Variants in REV1 observed in about 807,000 individuals in gnomAD.
The protein encoded by REV1 is REV1 DNA directed polymerase, also known as translesion synthesis protein REV1.
A neutral mutation model predicts 137.4 loss-of-function variants in REV1; 42 were observed. The observed-to-expected ratio is 0.31, with a 90% CI of 0.24 to 0.40. REV1 has a LOEUF of 0.40. REV1 is among the 10% of genes least tolerant of loss of function. The pLI is 1.00. For synonymous variants in REV1, 524 were observed against 519.2 expected, an observed-to-expected ratio of 1.01 and a Z score of -0.12; for missense variants, 1,282 against 1,490.1, an observed-to-expected ratio of 0.86 and a Z score of 2.30.
chr2:99,431,710 CA>C, intron 8 of REV1: 1 of 985,076 alleles, frequency 1.0e-6, no homozygotes, highest in Non-Finnish European at 1.2e-6. Flanking sequence ...GAGGCAGCAC[CA>C]TCGTGTTCCT....
chr2:99,464,816 C>T, intron 2 of REV1, 106 bp downstream of exon 2: 2 of 1,073,882 alleles, frequency 1.9e-6, no homozygotes, highest in Non-Finnish European at 2.9e-6. Flanking sequence ...GATGTGGTGT[C>T]TAAAGTAATT....
Position 99,408,060 on chromosome 2 carries a change from G to T in REV1, c.2417C>A (p.Thr806Lys). The T allele has an allele frequency of 6.2e-7, 1 of 1,605,418 alleles. No homozygotes were observed. Among genetic ancestry groups the T allele is most frequent in the Admixed American group, 1.7e-5 (1 of 59,336 alleles). Residue 806 changes from threonine (T) to lysine (K), a missense_variant, in exon 15 of 23, where the codon ACA becomes AAA. This residue lies in a region of REV1 where 372 missense variants were observed against 482.3 expected (regional missense o/e 0.77). Transcript: ENST00000258428. The stretch of plus-strand genomic sequence containing the variant: ...CATATCTGATATATTTAGTTTCATT[G>T]TATGAAACATGTTTAGCATCGCCTT... ...IGKAMLNMFH[T>K]MKLNISDMRG...
intron 1 of REV1, among the ~76,000 whole-genome samples, chr2:99,470,128 A>T (rs574388613): frequency 1.3e-5 from 2 of 152,122 alleles, no homozygotes; most frequent in Non-Finnish European, 2.9e-5. Context: ...CTCAAAAAAA[A>T]AAAAAAGATA....
At chr2:99,460,926 C>T (rs1684113056) in intron 3 of REV1, among the ~76,000 whole-genome samples, 1 of 152,086 alleles carries the variant, frequency 6.6e-6, no homozygotes, top group Admixed American at 6.6e-5. Flanking sequence ...ATTTTTCTTC[C>T]CTCACACAAA....
At chr2:99,421,383 T>TA (rs1365658608) in intron 11 of REV1, 116 bp downstream of exon 11, 1 of 928,184 alleles carries the variant, frequency 1.1e-6, no homozygotes, top group Non-Finnish European at 1.6e-6. Flanking sequence ...TAAGCAATGC[T>TA]AAAAACGGTT....
intron 1 of REV1, among the ~76,000 whole-genome samples, 198 bp downstream of exon 1, chr2:99,489,619 G>A (rs1236976905): frequency 6.7e-6 from 1 of 149,062 alleles, no homozygotes; most frequent in Admixed American, 6.7e-5. Flanking sequence ...GGCTGCGAGC[G>A]TCAGGGGAAG....
intron 6 of REV1, among the ~76,000 whole-genome samples, chr2:99,437,419 TA>T (rs1177504027): frequency 1.3e-5 from 2 of 152,116 alleles, no homozygotes; most frequent in Admixed American, 1.3e-4. Context: ...AGTGGCAGAG[TA>T]AGGATTTAGA....
chr2:99,451,308 C>T, intron 3 of REV1: 2 of 1,146,996 alleles, frequency 1.7e-6, no homozygotes, highest in Admixed American at 7.1e-5. Context: ...GTCAAGAACA[C>T]ATTAACTTTC....
intron 1 of REV1, among the ~76,000 whole-genome samples, chr2:99,466,289 C>G (rs955982569): frequency 2.6e-5 from 4 of 151,872 alleles, no homozygotes; most frequent in African/African-American, 7.3e-5. Context: ...GTCACCCAGG[C>G]TGAAGTGCAG....
intron 1 of REV1, among the ~76,000 whole-genome samples, chr2:99,479,228 G>A (rs1179268746): frequency 6.6e-6 from 1 of 150,728 alleles, no homozygotes; most frequent in African/African-American, 2.4e-5. Context: ...CTTGGGGGCT[G>A]AGGCAGAAGA....
intron 4 of REV1, among the ~76,000 whole-genome samples, chr2:99,444,109 C>T (rs185984760): frequency 7.2e-5 from 11 of 152,288 alleles, no homozygotes; most frequent in East Asian, 3.9e-4. Flanking sequence ...TGTGAGCCAC[C>T]GCGCCCAGCC....
intron 1 of REV1, among the ~76,000 whole-genome samples, chr2:99,476,202 C>A (rs1363471578): frequency 6.6e-6 from 1 of 152,154 alleles, no homozygotes. Context: ...GGGAGGTAAT[C>A]CTTTCTTTTC....
At chr2:99,432,593 TA>T (rs2104747066) in intron 8 of REV1, among the ~76,000 whole-genome samples, 1 of 152,316 alleles carries the variant, frequency 6.6e-6, no homozygotes, top group South Asian at 2.1e-4. Flanking sequence ...GCTTAGGATA[TA>T]AAAGTAAATG....
At chr2:99,481,132 A>G (rs1686558649) in intron 1 of REV1, among the ~76,000 whole-genome samples, 1 of 152,204 alleles carries the variant, frequency 6.6e-6, no homozygotes, top group Non-Finnish European at 1.5e-5. Flanking sequence ...TTACAACCCT[A>G]ACACAAATAG....
At chr2:99,408,298 A>G (rs1676623180) in intron 14 of REV1, 167 bp from the exon 15 acceptor site, 1 of 397,086 alleles carries the variant, frequency 2.5e-6, no homozygotes, top group Admixed American at 4.5e-5. Context: ...AGAAATACCA[A>G]ATTAGTTACA....
intron 9 of REV1, among the ~76,000 whole-genome samples, chr2:99,426,932 C>A (rs1354317759): frequency 6.6e-6 from 1 of 152,106 alleles, no homozygotes; most frequent in Non-Finnish European, 1.5e-5. Flanking sequence ...TCCTGTAATC[C>A]CAGCACTTTT....
chr2:99,434,295 C>G (rs1328267155), intron 8 of REV1, 37 bp downstream of exon 8: 2 of 1,381,556 alleles, frequency 1.4e-6, no homozygotes, highest in Non-Finnish European at 2.0e-6. Flanking sequence ...AAGCCATCCA[C>G]AGGAGCACTA....
At chr2:99,433,258 CA>C (rs1355856716) in intron 8 of REV1, among the ~76,000 whole-genome samples, 1 of 152,088 alleles carries the variant, frequency 6.6e-6, no homozygotes, top group East Asian at 1.9e-4. Context: ...TAAATCTCAA[CA>C]AGTTCAGTAA....
At chr2:99,442,764 T>G (rs1213343583) in intron 4 of REV1, among the ~76,000 whole-genome samples, 2 of 152,148 alleles carry the variant, frequency 1.3e-5, no homozygotes, top group Non-Finnish European at 2.9e-5. Flanking sequence ...ATCTCATCTA[T>G]TAAGGTTTTC....
Sources: gnomAD v4.1 joint callset for allele counts (sites outside exome capture counted in the v4.1 genomes callset) on GRCh38, gnomAD v4.1.1 for gene constraint, gnomAD v4.1.1 regional missense constraint, MANE v1.5 for transcripts, NCBI Gene and HGNC (gene_info 2026-07-23, HGNC 2026-07-21) for gene names.